Variants in DHDH observed in about 807,000 individuals in gnomAD.
DHDH encodes the protein dihydrodiol dehydrogenase, also known as trans-1,2-dihydrobenzene-1,2-diol dehydrogenase.
DHDH carries 29 observed loss-of-function variants against 33.2 expected under a neutral mutation model. The ratio of observed to expected loss-of-function variants is 0.87; its 90% CI spans 0.65 to 1.19. The LOEUF is 1.19. Ranked by LOEUF, DHDH falls within the 50% of genes most tolerant of loss-of-function variation. The pLI, the probability that DHDH is intolerant of heterozygous loss-of-function variation, is 0.00. For synonymous variants in DHDH, 201 were observed against 187.9 expected (o/e 1.07, Z -0.57); for missense variants, 431 against 455.0 (o/e 0.95, Z 0.48).
At chr19:48,940,555 A>C (rs1362209949) in intron 4 of DHDH, among the ~76,000 whole-genome samples, 1 of 150,828 alleles carries the variant, frequency 6.6e-6, no homozygotes, top group East Asian at 2.0e-4. Flanking sequence ...ACACTACCCC[A>C]AAACTTAGTG....
At chr19:48,941,985 CGTGTGTGTGTGTGTGTGTGTGT>C (rs60467743) in intron 4 of DHDH, among the ~76,000 whole-genome samples, 9 of 132,146 alleles carry the variant, frequency 6.8e-5, no homozygotes, top group Non-Finnish European at 9.5e-5. Flanking sequence ...GACTGTACTT[CGTGTGTGTGTGTGTGTGTGTGT>C]GTGTGTGTGT....
chr19:48,933,459 TC>T (rs2037729590), upstream of DHDH, among the ~76,000 whole-genome samples: 1 of 152,132 alleles, frequency 6.6e-6, no homozygotes, highest in South Asian at 2.1e-4. Context: ...ACCCCGCGTA[TC>T]CGACGAGCCT....
At chr19:48,937,236 A>G (rs1053569493) in intron 3 of DHDH, among the ~76,000 whole-genome samples, 2 of 152,172 alleles carry the variant, frequency 1.3e-5, no homozygotes, top group Non-Finnish European at 2.9e-5. Context: ...GAGCCTGCGC[A>G]GAGCCTGCCC....
intron 4 of DHDH, among the ~76,000 whole-genome samples, chr19:48,940,104 C>T (rs139541518): frequency 0.063 from 9,517 of 152,108 alleles, 952 homozygotes; most frequent in African/African-American, 0.21. Flanking sequence ...CCTGTAATTC[C>T]AGCACTTTGG....
chr19:48,935,962 G>A, intron 2 of DHDH, 70 bp from the exon 3 acceptor site: 2 of 1,543,888 alleles, frequency 1.3e-6, no homozygotes, highest in Non-Finnish European at 1.7e-6. Flanking sequence ...GCGGGGCCTC[G>A]AAGTTGTGGG....
intron 4 of DHDH, among the ~76,000 whole-genome samples, chr19:48,941,985 C>CGCGT (rs1555793991): frequency 1.5e-5 from 2 of 132,148 alleles, no homozygotes; most frequent in African/African-American, 5.9e-5. Context: ...GACTGTACTT[C>CGCGT]GTGTGTGTGT....
chr19:48,942,103 G>A lies in DHDH; in HGVS notation c.620-337G>A, dbSNP rs139018962. Among the ~76,000 whole-genome samples the A allele has an allele frequency of 2.0e-3, 308 of 151,592 alleles. 1 individual carries two copies. The highest frequency in any genetic ancestry group is 7.3e-3 in the African/African-American group (301 of 41,274). ...GCTCACTTCAAGCTCCGCCTCCCAC[G>A]TTCACGCCATTCTCCTGCCTCAGCC... On this transcript the variant is annotated intron_variant, in intron 4 of 6. Coordinates refer to ENST00000221403, the MANE Select transcript of DHDH (RefSeq NM_014475.4).
At chr19:48,941,860 A>G (rs1324455881) in intron 4 of DHDH, among the ~76,000 whole-genome samples, 1 of 151,710 alleles carries the variant, frequency 6.6e-6, no homozygotes. Flanking sequence ...TTTTGTAGAG[A>G]CAAGGTCTCA....
Position 48,944,922 on chromosome 19 carries a change from G to A in DHDH, c.994G>A (p.Asp332Asn). The stretch of plus-strand genomic sequence containing the variant: ...GGCCATTGGAGTCACCTTCCCCCAA[G>A]ACAAACGCTGATGTATCCCCGAATA... ...RKAIGVTFPQ[D>N]KR The change falls in exon 7 of 7, where the codon GAC (aspartate) becomes AAC (asparagine). Residue 332 changes from aspartate to asparagine, a missense_variant. Transcript: ENST00000221403. 6.2e-7 allele frequency: 1 copy of A among 1,613,968 alleles called. No individual in the cohort carries two copies. Among genetic ancestry groups the A allele is most frequent in the Non-Finnish European group, 8.5e-7 (1 of 1,179,898 alleles).
intron 1 of DHDH, 41 bp downstream of exon 1, chr19:48,933,852 G>T: frequency 1.3e-6 from 2 of 1,585,318 alleles, no homozygotes; most frequent in Non-Finnish European, 8.6e-7. Flanking sequence ...GGAGGCGGGG[G>T]GCGGGACTCC....
At chr19:48,943,851 C>T (rs1360492539) in intron 5 of DHDH, among the ~76,000 whole-genome samples, 1 of 148,830 alleles carries the variant, frequency 6.7e-6, no homozygotes, top group Non-Finnish European at 1.5e-5. Context: ...AAAAATTAGT[C>T]AGGCATGGTA....
At chr19:48,944,736 A>G in intron 6 of DHDH, 88 bp from the exon 7 acceptor site, 1 of 1,306,368 alleles carries the variant, frequency 7.7e-7, no homozygotes, top group East Asian at 2.3e-5. Flanking sequence ...AACCATGTAT[A>G]TTGTGCCACA....
Position 48,935,102 on chromosome 19 carries a change from C to A in DHDH, c.193C>A (p.Pro65Thr). The A allele has an allele frequency of 6.4e-7, 1 of 1,572,976 alleles. No homozygotes were observed. The highest frequency in any genetic ancestry group is 1.3e-5 in the African/African-American group (1 of 74,104). ...CTCCTATGAGGAGCTGGCCAAGGAC[C>A]CGAGCGTGGGTGAGTGGCGAGGGCG... ...YGSYEELAKD[P>T]SVEVAYIGTQ... Residue 65 changes from proline to threonine, a missense_variant, in exon 2 of 7, where the codon CCG (proline) becomes ACG (threonine). Physicochemically the swap from Pro to Thr is conservative, Grantham distance 38 (BLOSUM62 -1). Transcript: ENST00000221403.
chr19:48,944,232 C>G, intron 5 of DHDH, 125 bp from the exon 6 acceptor site: 9 of 1,315,512 alleles, frequency 6.8e-6, no homozygotes, highest in Non-Finnish European at 9.6e-6. Flanking sequence ...CGGGGATGGA[C>G]AGGGCAAGCT....
intron 3 of DHDH, among the ~76,000 whole-genome samples, chr19:48,937,983 G>A (rs1179512556): frequency 1.3e-5 from 2 of 152,000 alleles, no homozygotes; most frequent in African/African-American, 2.4e-5. Context: ...GCTGTCCTGC[G>A]TGAAGGACCC....
chr19:48,940,710 AGTTGGGCGT>A (rs1446345871), intron 4 of DHDH, among the ~76,000 whole-genome samples: 1 of 152,018 alleles, frequency 6.6e-6, no homozygotes. Flanking sequence ...AAAAAAAATT[AGTTGGGCGT>A]GGTGGTGTGC....
chr19:48,935,225 A>T (rs1034670500), intron 2 of DHDH, 114 bp downstream of exon 2: 4 of 766,022 alleles, frequency 5.2e-6, no homozygotes, highest in Non-Finnish European at 7.6e-6. Flanking sequence ...TGGGTTCCAT[A>T]AAGACCTTTG....
Position 48,939,563 on chromosome 19 carries a change from G to A in DHDH, c.481G>A (p.Val161Ile), listed in dbSNP as rs777340631. ...RAEFGKNLIH[V>I]PRAVDRAQAG... ...AGAATTTGGGAAGAATCTCATCCACGTTCCCCGGGCCGTAGACCGGGCCCA... is the reference window on the plus strand; with the variant it reads ...AGAATTTGGGAAGAATCTCATCCACATTCCCCGGGCCGTAGACCGGGCCCA... Residue 161 changes from valine to isoleucine, a missense_variant, in exon 4 of 7, where the codon GTT becomes ATT. Physicochemically the swap from Val to Ile is conservative, Grantham distance 29 (BLOSUM62 3). Transcript: ENST00000221403. 76 of 1,613,036 alleles carry A rather than the reference G, an allele frequency of 4.7e-5. No homozygotes were observed. The highest frequency in any genetic ancestry group is 6.2e-5 in the Non-Finnish European group (73 of 1,179,910).
intron 5 of DHDH, among the ~76,000 whole-genome samples, chr19:48,943,553 C>T (rs892346201): frequency 3.2e-4 from 48 of 151,344 alleles, no homozygotes; most frequent in Non-Finnish European, 5.5e-4. Context: ...AGGCTGGGCG[C>T]GGTGGCTCAC....
Sources: gnomAD v4.1 joint callset for allele counts (sites outside exome capture counted in the v4.1 genomes callset) on GRCh38, gnomAD v4.1.1 for gene constraint, MANE v1.5 for transcripts, NCBI Gene and HGNC (gene_info 2026-07-23, HGNC 2026-07-21) for gene names.